DMXL2: variants seen among roughly 807,000 people sequenced by gnomAD.
DMXL2 encodes dmX-like protein 2.
DMXL2 carries 103 observed loss-of-function variants against 331.1 expected under a neutral mutation model. That is an observed-to-expected ratio of 0.31 (90% CI 0.27 to 0.37). The LOEUF is 0.37. Ranked by LOEUF, DMXL2 falls within the 10% of genes least tolerant of loss-of-function variation. The probability of loss-of-function intolerance (pLI) is 1.00; values close to 1 mark genes in which losing one functional copy is unlikely to be tolerated. For missense variants in DMXL2, 3,171 were observed against 3,642.9 expected (o/e 0.87, Z 3.33); for synonymous variants, 1,281 against 1,252.1 (o/e 1.02, Z -0.49).
chr15:51,500,234 T>A lies in DMXL2; in HGVS notation c.2993-3A>T. ...AATTGAAGAAGAACTCAGATGGCCT[T>A]AAAAAAGAAAAAGCAAATAGTTAGT... is the stretch of plus-strand genomic sequence containing the variant. On this transcript the variant is annotated splice_polypyrimidine_tract_variant and splice_region_variant and intron_variant, in intron 17 of 43. Coordinates refer to ENST00000560891, the MANE Select transcript of DMXL2 (RefSeq NM_001378457.1). 1 of 1,574,946 alleles carries A rather than the reference T, an allele frequency of 6.3e-7. No individual in the cohort carries two copies. Among genetic ancestry groups the A allele is most frequent in the African/African-American group, 1.4e-5 (1 of 72,704 alleles).
At chr15:51,466,390 T>A in intron 29 of DMXL2, 79 bp from the exon 30 acceptor site, 1 of 457,220 alleles carries the variant, frequency 2.2e-6, no homozygotes, top group Non-Finnish European at 3.1e-6. Context: ...TAACATGTAT[T>A]ATATATTTAA....
chr15:51,517,527 G>C (rs2047104256), intron 13 of DMXL2, among the ~76,000 whole-genome samples: 1 of 152,188 alleles, frequency 6.6e-6, no homozygotes, highest in Non-Finnish European at 1.5e-5. Flanking sequence ...CGAAGGTAAG[G>C]GCAAGGGTTG....
At chr15:51,520,223 C>T (rs2047278733) in intron 13 of DMXL2, among the ~76,000 whole-genome samples, 1 of 152,124 alleles carries the variant, frequency 6.6e-6, no homozygotes, top group Non-Finnish European at 1.5e-5. Context: ...CTTACCCATT[C>T]AGTAAGTCTT....
At chr15:51,578,554 C>T (rs2051200445) in intron 1 of DMXL2, among the ~76,000 whole-genome samples, 1 of 152,090 alleles carries the variant, frequency 6.6e-6, no homozygotes, top group African/African-American at 2.4e-5. Flanking sequence ...CTGCTCAGTC[C>T]CACACCAGAC....
chr15:51,520,873 T>TA (rs2047320055), intron 13 of DMXL2, among the ~76,000 whole-genome samples: 1 of 151,954 alleles, frequency 6.6e-6, no homozygotes, highest in African/African-American at 2.4e-5. Context: ...AATAAATAAA[T>TA]AAATACATAA....
intron 1 of DMXL2, among the ~76,000 whole-genome samples, chr15:51,618,444 A>G (rs1267700024): frequency 6.6e-6 from 1 of 152,134 alleles, no homozygotes; most frequent in South Asian, 2.1e-4. Flanking sequence ...TTTATTCTAC[A>G]ATAGAGTTAA....
chr15:51,603,353 A>C (rs2053360094), intron 1 of DMXL2, among the ~76,000 whole-genome samples: 1 of 152,172 alleles, frequency 6.6e-6, no homozygotes, highest in Non-Finnish European at 1.5e-5. Context: ...AATGAAACAG[A>C]TGAAAAAGAC....
rs138166074 is a variant in DMXL2, at chr15:51,561,367, T to C, written c.567+2014A>G. Among the ~76,000 whole-genome samples the C allele has an allele frequency of 3.9e-3, 595 of 152,296 alleles. 7 individuals are homozygous for C. The highest frequency in any genetic ancestry group is 0.014 in the African/African-American group (567 of 41,564). On this transcript the variant is annotated intron_variant, in intron 6 of 43. Transcript: ENST00000560891. The stretch of plus-strand genomic sequence containing the variant: ...ATACAATTTCTTCAGGTGTAGTCAG[T>C]GTCAGTGGTGGCTGTGAGTTACTCA...
At chr15:51,606,270 C>T (rs1356386108) in intron 1 of DMXL2, among the ~76,000 whole-genome samples, 1 of 152,082 alleles carries the variant, frequency 6.6e-6, no homozygotes, top group Non-Finnish European at 1.5e-5. Flanking sequence ...TGCAGTGGCG[C>T]GATCTCAGCT....
chr15:51,608,457 G>A (rs1402797386), intron 1 of DMXL2, among the ~76,000 whole-genome samples: 1 of 152,222 alleles, frequency 6.6e-6, no homozygotes, highest in Non-Finnish European at 1.5e-5. Flanking sequence ...GAACATGTAT[G>A]TAGTTGGAGG....
At chr15:51,552,869 T>C (rs929849583) in intron 6 of DMXL2, among the ~76,000 whole-genome samples, 10 of 152,220 alleles carry the variant, frequency 6.6e-5, no homozygotes, top group African/African-American at 1.4e-4. Flanking sequence ...TTAACTCAGA[T>C]GCATCTCAAA....
chr15:51,593,464 T>G (rs1003337601), intron 1 of DMXL2, among the ~76,000 whole-genome samples: 4 of 152,142 alleles, frequency 2.6e-5, no homozygotes, highest in African/African-American at 7.2e-5. Context: ...ACAATAATAA[T>G]GGGAGACTTT....
At chr15:51,554,199 G>A (rs1395625626) in intron 6 of DMXL2, among the ~76,000 whole-genome samples, 2 of 152,102 alleles carry the variant, frequency 1.3e-5, no homozygotes, top group Non-Finnish European at 2.9e-5. Flanking sequence ...ATGCTGAACT[G>A]GTCCTATATT....
intron 13 of DMXL2, among the ~76,000 whole-genome samples, chr15:51,521,204 C>T (rs542152885): frequency 3.9e-5 from 6 of 152,182 alleles, no homozygotes; most frequent in African/African-American, 1.2e-4. Flanking sequence ...TAGAGCTAGG[C>T]TGCTTGGGTT....
Position 51,549,387 on chromosome 15 carries a change from A to G in DMXL2, c.568-1979T>C, listed in dbSNP as rs142560485. On this transcript the variant is annotated intron_variant, in intron 6 of 43. Transcript: ENST00000560891. ...ACTGATGGGCATTTGGGCTGGTTCT[A>G]TATTTTTGCAACTGCAAATTGTGCT... Among the ~76,000 whole-genome samples the G allele has an allele frequency of 3.4e-4, 51 of 152,160 alleles. No individual in the cohort carries two copies. In the East Asian group the frequency reaches 8.9e-3, roughly 27 times the overall value.
rs1167513388 is a variant in DMXL2, at chr15:51,456,375, A to G, written c.8338-6T>C. Reference sequence around the variant, plus strand: ...TGTAGATTCCTTTTCATAAGCTTTAAAAGAAAATTTTAAAAATTTTATTTT... The same window carrying G: ...TGTAGATTCCTTTTCATAAGCTTTAGAAGAAAATTTTAAAAATTTTATTTT... On this transcript the variant is annotated splice_polypyrimidine_tract_variant and splice_region_variant and intron_variant, in intron 37 of 43. Transcript: ENST00000560891. 2.6e-6 allele frequency: 4 copies of G among 1,563,020 alleles called. No individual in the cohort carries two copies. Among genetic ancestry groups the G allele is most frequent in the Non-Finnish European group, 3.5e-6 (4 of 1,153,526 alleles).
intron 1 of DMXL2, among the ~76,000 whole-genome samples, chr15:51,597,830 A>C (rs1192099981): frequency 1.3e-4 from 20 of 152,194 alleles, no homozygotes; most frequent in Admixed American, 1.2e-3. Flanking sequence ...AATTTTGTGC[A>C]AATCTGTTAG....
chr15:51,563,768 A>G (rs1225285521), intron 5 of DMXL2, among the ~76,000 whole-genome samples: 1 of 152,062 alleles, frequency 6.6e-6, no homozygotes, highest in Non-Finnish European at 1.5e-5. Context: ...TTCGTCACAT[A>G]ATCTATATGA....
intron 1 of DMXL2, among the ~76,000 whole-genome samples, chr15:51,589,209 A>G (rs1595642096): frequency 6.6e-6 from 1 of 152,334 alleles, no homozygotes; most frequent in South Asian, 2.1e-4. Flanking sequence ...AGTCATGCAT[A>G]TTCAGAAATA....
Sources: allele counts gnomAD v4.1 joint callset (sites outside exome capture counted in the v4.1 genomes callset), GRCh38; gene constraint gnomAD v4.1.1; transcripts MANE v1.5; gene names NCBI Gene and HGNC (gene_info 2026-07-23, HGNC 2026-07-21).